Variants in SEMA6D observed in about 807,000 individuals in gnomAD.
The protein encoded by SEMA6D is semaphorin 6D, also known as semaphorin-6D.
SEMA6D carries 35 observed loss-of-function variants against 106.6 expected under a neutral mutation model. The observed-to-expected ratio is 0.33, with a 90% CI of 0.25 to 0.44. SEMA6D has a LOEUF of 0.44. SEMA6D is among the 20% of genes least tolerant of loss of function. The pLI is 1.00. For synonymous variants in SEMA6D, 499 were observed against 487.7 expected, an observed-to-expected ratio of 1.02 and a Z score of -0.31; for missense variants, 1,185 against 1,345.9, an observed-to-expected ratio of 0.88 and a Z score of 1.87.
chr15:47,544,584 A>T (rs913672407), intron 3 of SEMA6D, among the ~76,000 whole-genome samples: 1 of 152,122 alleles, frequency 6.6e-6, no homozygotes, highest in African/African-American at 2.4e-5. Context: ...AACAATTCAG[A>T]TTAGTACATG....
chr15:47,552,274 T>C (rs2142420924), intron 3 of SEMA6D, among the ~76,000 whole-genome samples: 1 of 152,168 alleles, frequency 6.6e-6, no homozygotes, highest in African/African-American at 2.4e-5. Flanking sequence ...TGCACCATGG[T>C]TGCAATTGTG....
At chr15:47,474,476 A>T (rs1409496017) in intron 3 of SEMA6D, among the ~76,000 whole-genome samples, 1 of 152,214 alleles carries the variant, frequency 6.6e-6, no homozygotes, top group Non-Finnish European at 1.5e-5. Flanking sequence ...TGTGGCATTA[A>T]GTCTTAAACT....
intron 1 of SEMA6D, among the ~76,000 whole-genome samples, chr15:47,267,985 G>GCTA (rs1474865298): frequency 6.6e-6 from 1 of 151,862 alleles, no homozygotes; most frequent in Non-Finnish European, 1.5e-5. Context: ...CTAGGCCCTT[G>GCTA]CTACCCATAG....
intron 3 of SEMA6D, among the ~76,000 whole-genome samples, chr15:47,552,891 A>AATATATATATATATAAATATATATAAAT (rs2045793205): frequency 2.8e-5 from 1 of 35,282 alleles, no homozygotes; most frequent in African/African-American, 1.2e-4. Context: ...AATATATATA[A>AATATATATATATATAAATATATATAAAT]ATATATATAT....
rs2041650242 is a variant in SEMA6D at position 47,434,795 on chromosome 15, A to G, written c.-159+22323A>G. Among the ~76,000 whole-genome samples, 3 of 152,250 alleles carry G rather than the reference A, an allele frequency of 2.0e-5. 1 individual carries two copies. The South Asian group carries it at 6.2e-4, about 32-fold the overall frequency. The stretch of plus-strand genomic sequence containing the variant: ...TGACTAACCCATAATCAATCCAGGA[A>G]TGAGACTTAGTGCACAAGAGGAATA... On this transcript the variant is annotated intron_variant, in intron 2 of 19. Coordinates refer to the SEMA6D transcript ENST00000558014.
At chr15:47,492,744 A>T (rs913373444) in intron 3 of SEMA6D, among the ~76,000 whole-genome samples, 33 of 152,226 alleles carry the variant, frequency 2.2e-4, no homozygotes, top group African/African-American at 7.2e-4. Flanking sequence ...GGTTTTATGG[A>T]GGAAGCATTG....
intron 1 of SEMA6D, among the ~76,000 whole-genome samples, chr15:47,206,928 G>C (rs933088736): frequency 6.6e-6 from 1 of 151,882 alleles, no homozygotes; most frequent in Non-Finnish European, 1.5e-5. Flanking sequence ...AAACAGCAAA[G>C]AAGCCTCTCC....
chr15:47,331,535 A>G (rs1009394058), intron 1 of SEMA6D, among the ~76,000 whole-genome samples: 2 of 152,184 alleles, frequency 1.3e-5, no homozygotes, highest in African/African-American at 4.8e-5. Flanking sequence ...TGTGCCTATA[A>G]AATATATACA....
chr15:47,498,123 A>T (rs1774210910), intron 3 of SEMA6D, among the ~76,000 whole-genome samples: 1 of 152,178 alleles, frequency 6.6e-6, no homozygotes, highest in African/African-American at 2.4e-5. Flanking sequence ...TTGTTTTCAG[A>T]CTTTGATCCA....
At chr15:47,337,148 G>A (rs1052450821) in intron 1 of SEMA6D, among the ~76,000 whole-genome samples, 1 of 152,160 alleles carries the variant, frequency 6.6e-6, no homozygotes, top group Non-Finnish European at 1.5e-5. Flanking sequence ...GTTTTGGAAA[G>A]TGACTGGAAT....
intron 3 of SEMA6D, among the ~76,000 whole-genome samples, chr15:47,544,544 G>A: frequency 6.6e-6 from 1 of 152,136 alleles, no homozygotes; most frequent in South Asian, 2.1e-4. Flanking sequence ...AGTGCATCAG[G>A]CCACTGTAAC....
chr15:47,770,218 C>G (rs935486173), intron 18 of SEMA6D, among the ~76,000 whole-genome samples: 2 of 152,082 alleles, frequency 1.3e-5, no homozygotes, highest in Admixed American at 6.5e-5. Flanking sequence ...ACATTTTTAA[C>G]ATGTAACAAC....
intron 1 of SEMA6D, among the ~76,000 whole-genome samples, chr15:47,402,771 A>G (rs932029560): frequency 2.7e-5 from 2 of 74,688 alleles, no homozygotes; most frequent in Admixed American, 2.7e-4. Context: ...TTTTTTGGTT[A>G]TGCATCTTTA....
chr15:47,626,207 G>C (rs955505268), intron 4 of SEMA6D, among the ~76,000 whole-genome samples: 5 of 152,196 alleles, frequency 3.3e-5, no homozygotes, highest in African/African-American at 1.2e-4. Flanking sequence ...TCACAACCGT[G>C]TGGGCTCTAC....
intron 4 of SEMA6D, among the ~76,000 whole-genome samples, chr15:47,698,192 C>T (rs1307837418): frequency 6.6e-6 from 1 of 151,982 alleles, no homozygotes; most frequent in African/African-American, 2.4e-5. Flanking sequence ...AAAAATAACA[C>T]TTAAATATTT....
chr15:47,624,857 A>G (rs905743264), intron 4 of SEMA6D, among the ~76,000 whole-genome samples: 1 of 152,224 alleles, frequency 6.6e-6, no homozygotes, highest in African/African-American at 2.4e-5. Context: ...ACCAAGTGAT[A>G]AACTAATGAA....
At position 47,331,895 on chromosome 15, in the gene SEMA6D, T is replaced by A. The variant is rs560829830; in HGVS notation, c.-238-80498T>A. On this transcript the variant is annotated intron_variant, in intron 1 of 19. Transcript: ENST00000558014. Reference sequence around the variant, plus strand: ...TTACTTAGTGTGTTTACAGTTCTCGTATTGCATCAGCAGAAACCTAATGGA... The same window carrying A: ...TTACTTAGTGTGTTTACAGTTCTCGAATTGCATCAGCAGAAACCTAATGGA... Among the ~76,000 whole-genome samples, 3 of 152,302 alleles carry A rather than the reference T, an allele frequency of 2.0e-5. No individual in the cohort carries two copies. In the East Asian group the frequency reaches 5.8e-4, roughly 29 times the overall value.
At chr15:47,584,307 C>T (rs2076300588) in intron 3 of SEMA6D, among the ~76,000 whole-genome samples, 1 of 152,066 alleles carries the variant, frequency 6.6e-6, no homozygotes, top group Admixed American at 6.5e-5. Flanking sequence ...CCTATAATCC[C>T]AGCTACTTGG....
intron 3 of SEMA6D, among the ~76,000 whole-genome samples, chr15:47,524,907 TTAA>T (rs1393504816): frequency 1.3e-5 from 2 of 152,136 alleles, no homozygotes; most frequent in African/African-American, 4.8e-5. Context: ...CATGAGCATA[TTAA>T]TGAGACAAAA....
Sources: allele counts gnomAD v4.1 joint callset (sites outside exome capture counted in the v4.1 genomes callset), GRCh38; gene constraint gnomAD v4.1.1; transcripts MANE v1.5; gene names NCBI Gene and HGNC (gene_info 2026-07-23, HGNC 2026-07-21).